Variants in DDX17 observed in about 807,000 individuals in gnomAD.
DDX17 encodes DEAD-box helicase 17, also known as probable ATP-dependent RNA helicase DDX17.
In DDX17, 10 loss-of-function variants were observed where a neutral mutation model predicts 80.8. The ratio of observed to expected loss-of-function variants is 0.12; its 90% CI spans 0.08 to 0.21. The LOEUF (loss-of-function observed/expected upper bound fraction) is 0.21. DDX17 is among the 10% of genes least tolerant of loss of function. DDX17 has a pLI of 1.00. For missense variants in DDX17, 586 were observed against 957.4 expected (o/e 0.61, Z 5.12); for synonymous variants, 339 against 336.2 (o/e 1.01, Z -0.09).
chr22:38,494,117 A>G lies in DDX17; in HGVS notation c.1229T>C (p.Met410Thr). 1 of 1,612,466 alleles carries G rather than the reference A, an allele frequency of 6.2e-7. No homozygotes were observed. Among genetic ancestry groups the G allele is most frequent in the Non-Finnish European group, 8.5e-7 (1 of 1,178,652 alleles). Residue 410 changes from methionine to threonine, a missense_variant, in exon 9 of 13, where the codon ATG (methionine) becomes ACG (threonine). Physicochemically the swap from Met to Thr is moderately conservative, Grantham distance 81. Coordinates refer to ENST00000403230, the MANE Select transcript of DDX17 (RefSeq NM_006386.5). ...TTCCTTTTCAGCCATTATTTCTTCC[A>G]TTAGTTGGATCAACCTGAAAACATG...
At chr22:38,490,068 G>A (rs1055836370) in intron 11 of DDX17, 15 of 1,071,708 alleles carry the variant, frequency 1.4e-5, no homozygotes, top group Middle Eastern at 4.5e-4. Flanking sequence ...CAGACATGAT[G>A]CAAGTTCTTC....
At chr22:38,505,702 T>C in intron 1 of DDX17, 1 of 481,796 alleles carries the variant, frequency 2.1e-6, no homozygotes, top group South Asian at 3.3e-5. Context: ...GGGGCTGGGA[T>C]GGGGCCGGGC....
At chr22:38,496,107 T>C (rs891465383) in intron 5 of DDX17, among the ~76,000 whole-genome samples, 170 bp from the exon 6 acceptor site, 6 of 151,944 alleles carry the variant, frequency 3.9e-5, no homozygotes, top group African/African-American at 9.7e-5. Flanking sequence ...CAATGGAATA[T>C]AGAAAAAAAT....
chr22:38,490,945 T>TTAA (rs1168730623), intron 11 of DDX17: 2 of 156,214 alleles, frequency 1.3e-5, no homozygotes, highest in East Asian at 3.8e-4. Context: ...GCAAATATTT[T>TTAA]TAATTGTCTA....
At position 38,487,884 on chromosome 22, in the gene DDX17, C is replaced by A. The variant is rs766026837; in HGVS notation, c.1679G>T (p.Gly560Val). ...ACTCCAGGACTTACCCTTACCCCCG[C>A]CTCCGCCGCCTCCTCTGTGGTCCAC... The change falls in exon 12 of 13, where the codon GGC (glycine) becomes GTC (valine). Residue 560 changes from glycine to valine, a missense_variant. Gly to Val is a moderately radical substitution (Grantham distance 109). This residue lies in a region of DDX17 where 221 missense variants were observed against 261.4 expected (regional missense o/e 0.85). Transcript: ENST00000403230. The A allele has an allele frequency of 6.2e-7, 1 of 1,614,172 alleles. No homozygotes were observed. Among genetic ancestry groups the A allele is most frequent in the South Asian group, 1.1e-5 (1 of 91,088 alleles).
chr22:38,497,785 CAAAAAAACA>C (rs900224125), intron 5 of DDX17, among the ~76,000 whole-genome samples: 4 of 151,556 alleles, frequency 2.6e-5, no homozygotes, highest in Non-Finnish European at 2.9e-5. Context: ...AAAATCAAAA[CAAAAAAACA>C]AAAAAAACCA....
At position 38,486,434 on chromosome 22, in the gene DDX17, C is replaced by G; in HGVS notation, c.1691G>C (p.Arg564Pro). The change falls in exon 13 of 13, where the codon CGT becomes CCT. Residue 564 changes from arginine (R) to proline (P), a missense_variant. This residue lies in a region of DDX17 where 221 missense variants were observed against 261.4 expected (regional missense o/e 0.85). Coordinates refer to ENST00000403230, the MANE Select transcript of DDX17 (RefSeq NM_006386.5). ...TGAAGAAGTGGTCCGGTAACGAGAA[C>G]GACCACCTAATGGGAAGATACAAGA... The G allele has an allele frequency of 2.5e-6, 4 of 1,604,954 alleles. No individual in the cohort carries two copies. Among genetic ancestry groups the G allele is most frequent in the Non-Finnish European group, 3.4e-6 (4 of 1,174,858 alleles).
chr22:38,501,375 T>G, intron 1 of DDX17, 95 bp from the exon 2 acceptor site: 1 of 1,400,976 alleles, frequency 7.1e-7, no homozygotes, highest in South Asian at 1.5e-5. Context: ...GTTCTAGGGA[T>G]ACTACCAGCC....
At chr22:38,494,532 A>G in intron 8 of DDX17, 98 bp downstream of exon 8, 2 of 1,100,710 alleles carry the variant, frequency 1.8e-6, no homozygotes, top group Non-Finnish European at 2.6e-6. Context: ...TAATGTTCTC[A>G]GGCCTCAAAA....
chr22:38,492,015 AG>A, intron 11 of DDX17, 40 bp downstream of exon 11: 1 of 1,408,660 alleles, frequency 7.1e-7, no homozygotes, highest in South Asian at 1.3e-5. Flanking sequence ...TTAAACCAAA[AG>A]ATACATATAC....
Position 38,488,125 on chromosome 22 carries a change from CAAT to C in DDX17, c.1448-13_1448-11del, listed in dbSNP as rs370981458. 8.1e-6 allele frequency: 13 copies of C among 1,613,952 alleles called. No homozygotes were observed. In the African/African-American group the frequency reaches 1.6e-4, roughly 20 times the overall value. On this transcript the variant is annotated splice_polypyrimidine_tract_variant and intron_variant, in intron 11 of 12. Coordinates refer to ENST00000403230, the MANE Select transcript of DDX17 (RefSeq NM_006386.5). Reference sequence around the variant, plus strand: ...TTGACATCTTCCACATCTTCCACGTCAATGATGAGTCAGTGTGTAGGTTGATGT... The same window carrying C: ...TTGACATCTTCCACATCTTCCACGTCGATGAGTCAGTGTGTAGGTTGATGT...
chr22:38,506,306 A>G lies in DDX17; in HGVS notation c.-69T>C, dbSNP rs765185827. On this transcript the variant is annotated 5_prime_UTR_variant, in exon 1 of 13. Transcript: ENST00000403230. ...TCCTTCCTTCCCAGCGACTGCACAA[A>G]ATGGCGGCCGCCGCTGAGTCGGCTC... The G allele has an allele frequency of 5.4e-6, 8 of 1,473,196 alleles. No individual in the cohort carries two copies. The highest frequency in any genetic ancestry group is 7.2e-6 in the Non-Finnish European group (8 of 1,111,580). The allele number at this position is 1,473,196 out of a possible 1,614,324, so 91.3% of individuals were successfully genotyped here.
intron 6 of DDX17, 75 bp from the exon 7 acceptor site, chr22:38,495,121 AGAG>A (rs995700558): frequency 2.0e-6 from 3 of 1,466,390 alleles, no homozygotes; most frequent in Non-Finnish European, 2.7e-6. Context: ...CACTTTGGGA[AGAG>A]GAGGCGGGAA....
At chr22:38,499,575 G>C in intron 2 of DDX17, 76 bp from the exon 3 acceptor site, 1 of 1,165,110 alleles carries the variant, frequency 8.6e-7, no homozygotes, top group Non-Finnish European at 1.3e-6. Flanking sequence ...AGCTAGCTGA[G>C]CAATTATCCA....
Position 38,486,165 on chromosome 22 carries a change from C to G in DDX17, c.1960G>C (p.Glu654Gln). The G allele has an allele frequency of 6.2e-7, 1 of 1,614,222 alleles. No homozygotes were observed. The highest frequency in any genetic ancestry group is 8.5e-7 in the Non-Finnish European group (1 of 1,180,046). Residue 654 changes from glutamate to glutamine, a missense_variant, in exon 13 of 13, where the codon GAA (glutamate) becomes CAA (glutamine). By Grantham distance (29) the Glu-to-Gln change is conservative (BLOSUM62 2). Coordinates refer to ENST00000403230, the MANE Select transcript of DDX17 (RefSeq NM_006386.5). ...GCTCCATAAGTGCCAGCACCATATTCTTGAGCTGTATAGCTACTGGTGCCA... is the reference window on the plus strand; with the variant it reads ...GCTCCATAAGTGCCAGCACCATATTGTTGAGCTGTATAGCTACTGGTGCCA...
At position 38,489,847 on chromosome 22, in the gene DDX17, G is replaced by C. The variant is rs2089695651; in HGVS notation, c.1448-1732C>G. 1 of 985,812 alleles carries C rather than the reference G, an allele frequency of 1.0e-6. No homozygotes were observed. Among genetic ancestry groups the C allele is most frequent in the African/African-American group, 1.7e-5 (1 of 57,190 alleles). 61.1% of individuals were successfully genotyped at this position (985,812 alleles called of 1,614,324 possible). A position where few individuals can be genotyped will look rare whatever the true frequency, so the allele number is the denominator to read the frequency against. On this transcript the variant is annotated intron_variant, in intron 11 of 12. Transcript: ENST00000403230. This position sits in a 1 kb window ranked among gnomAD's most constrained non-coding sequence, Gnocchi z 4.6. ...ACAGGGCCAGGGTGGATGTAAGACA[G>C]GGGGTGGGGAATTCTACTCCATGGT... is the stretch of plus-strand genomic sequence containing the variant.
At position 38,485,697 on chromosome 22, in the gene DDX17, T is replaced by A. The variant is rs893193659; in HGVS notation, c.*238A>T. On this transcript the variant is annotated 3_prime_UTR_variant, in exon 13 of 13. Transcript: ENST00000403230. ...TCAGCTATATATATATATATATATT[T>A]TTTTTTTTTTTACAAAATGTTATTC... 0.037 allele frequency: 328 copies of A among 8,762 alleles called. 2 individuals are homozygous for A. Among genetic ancestry groups the A allele is most frequent in the South Asian group, 0.31 (30 of 96 alleles). The allele number at this position is 8,762 out of a possible 1,614,324, so 0.5% of individuals were successfully genotyped here.
chr22:38,499,257 TAGAAC>T lies in DDX17; in HGVS notation c.538+138_538+142del, dbSNP rs1325951703. On this transcript the variant is annotated intron_variant, in intron 3 of 12. Transcript: ENST00000403230. ...AAAAACAAAACCTCAGTCTAAATAC[TAGAAC>T]AGAACTGATGACCATAAAAACAATC... 8.0e-6 allele frequency: 5 copies of T among 628,408 alleles called. No individual in the cohort carries two copies. The East Asian group carries it at 1.4e-4, about 17-fold the overall frequency. The allele number at this position is 628,408 out of a possible 1,614,324, so 38.9% of individuals were successfully genotyped here.
At chr22:38,490,478 T>G in intron 11 of DDX17, 1 of 1,282,026 alleles carries the variant, frequency 7.8e-7, no homozygotes. Context: ...ACTTTTAGTT[T>G]AACAGTGTGT....
Sources: gnomAD v4.1 joint callset for allele counts (sites outside exome capture counted in the v4.1 genomes callset) on GRCh38, gnomAD v4.1.1 for gene constraint, gnomAD v4.1.1 regional missense constraint, Gnocchi (gnomAD v3.1) non-coding constraint, MANE v1.5 for transcripts, NCBI Gene and HGNC (gene_info 2026-07-23, HGNC 2026-07-21) for gene names.